PRKAG2: variants seen among roughly 807,000 people sequenced by gnomAD.
The protein encoded by PRKAG2 is 5'-AMP-activated protein kinase subunit gamma-2.
PRKAG2 carries 26 observed loss-of-function variants against 69.6 expected under a neutral mutation model. The observed-to-expected ratio is 0.37, with a 90% CI of 0.27 to 0.52. The LOEUF (loss-of-function observed/expected upper bound fraction) is 0.52. Among genes scored for constraint, PRKAG2 ranks in the 20% least tolerant of loss-of-function variants. The pLI is 0.90. For missense variants in PRKAG2, 557 were observed against 740.0 expected (o/e 0.75, Z 2.87); for synonymous variants, 293 against 285.0 (o/e 1.03, Z -0.28).
chr7:151,610,571 G>A (rs1399221507), intron 5 of PRKAG2, among the ~76,000 whole-genome samples: 2 of 151,088 alleles, frequency 1.3e-5, no homozygotes, highest in African/African-American at 2.4e-5. Flanking sequence ...CAGCTACTCT[G>A]GAGGCTGAGG....
At chr7:151,810,680 A>T (rs1260276937) in intron 1 of PRKAG2, 1 of 153,742 alleles carries the variant, frequency 6.5e-6, no homozygotes, top group African/African-American at 2.4e-5. Flanking sequence ...GAATCTGCAC[A>T]GCCAGGCTCT....
At chr7:151,744,834 A>G (rs565346051) in intron 3 of PRKAG2, among the ~76,000 whole-genome samples, 2 of 152,108 alleles carry the variant, frequency 1.3e-5, no homozygotes, top group South Asian at 2.1e-4. Context: ...GGCAGGGGGA[A>G]CCCTAGTCAC....
intron 15 of PRKAG2, chr7:151,558,560 G>A (rs36022838): frequency 0.62 from 563,622 of 903,342 alleles, 180,973 homozygotes; most frequent in East Asian, 0.72. Context: ...CACGGTGGGG[G>A]CCTCCTCACT....
In PRKAG2 at chr7:151,828,865, C is replaced by T. The variant is rs976198226; in HGVS notation, c.115-42324G>A. ...GTTTGAGGCTGCAGTGAGCTATGATCACACCAATGTACTCCAGCCTGGGCA... is the reference window on the plus strand; with the variant it reads ...GTTTGAGGCTGCAGTGAGCTATGATTACACCAATGTACTCCAGCCTGGGCA... On this transcript the variant is annotated intron_variant, in intron 1 of 15. Coordinates refer to ENST00000287878, the MANE Select transcript of PRKAG2 (RefSeq NM_016203.4). The surrounding 1 kb of genome is among the most constrained non-coding windows in gnomAD (Gnocchi z 4.6). Among the ~76,000 whole-genome samples, 7 of 152,124 alleles carry T rather than the reference C, an allele frequency of 4.6e-5. No individual in the cohort carries two copies. Among genetic ancestry groups the T allele is most frequent in the Non-Finnish European group, 1.5e-5 (1 of 68,034 alleles).
chr7:151,876,726 C>A lies in PRKAG2; in HGVS notation c.-106G>T. On this transcript the variant is annotated 5_prime_UTR_variant, in exon 1 of 16. In the 5' UTR this introduces an upstream ATG that the reference lacks. Coordinates refer to ENST00000287878, the MANE Select transcript of PRKAG2 (RefSeq NM_016203.4). ...CTGGAGCCGCGCGCTCTGTTACACC[C>A]TGAAGCCACCTCGTGGGGACTTCCG... 1.9e-6 allele frequency: 2 copies of A among 1,073,988 alleles called. No individual in the cohort carries two copies. Among genetic ancestry groups the A allele is most frequent in the Non-Finnish European group, 2.8e-6 (2 of 721,170 alleles). 66.5% of individuals were successfully genotyped at this position (1,073,988 alleles called of 1,614,324 possible).
chr7:151,611,634 G>A (rs1818894824), intron 5 of PRKAG2, among the ~76,000 whole-genome samples: 1 of 152,150 alleles, frequency 6.6e-6, no homozygotes, highest in South Asian at 2.1e-4. Flanking sequence ...ATCCCACCAG[G>A]ACAAGTGGCA....
intron 3 of PRKAG2, among the ~76,000 whole-genome samples, chr7:151,690,567 A>G (rs1225568905): frequency 6.6e-6 from 1 of 152,250 alleles, no homozygotes; most frequent in Non-Finnish European, 1.5e-5. Flanking sequence ...GGACAGGACC[A>G]GGGTTCCCGG....
At chr7:151,713,640 A>C (rs1563500925) in intron 3 of PRKAG2, among the ~76,000 whole-genome samples, 1 of 148,472 alleles carries the variant, frequency 6.7e-6, no homozygotes, top group Non-Finnish European at 1.5e-5. Context: ...GCCGGAGTGC[A>C]GTGGTGCGAA....
intron 1 of PRKAG2, among the ~76,000 whole-genome samples, chr7:151,817,103 C>T (rs1356889420): frequency 6.6e-6 from 1 of 152,190 alleles, no homozygotes; most frequent in African/African-American, 2.4e-5. Flanking sequence ...CTGTCTTCAC[C>T]TGCATTTCTC....
chr7:151,581,507 T>C (rs933913902), intron 6 of PRKAG2, among the ~76,000 whole-genome samples: 2 of 152,226 alleles, frequency 1.3e-5, no homozygotes, highest in African/African-American at 4.8e-5. Flanking sequence ...CAGAGACTAT[T>C]GTATCCAGCT....
At chr7:151,619,735 C>T (rs943815092) in intron 5 of PRKAG2, among the ~76,000 whole-genome samples, 7 of 152,034 alleles carry the variant, frequency 4.6e-5, no homozygotes, top group Admixed American at 6.6e-5. Context: ...ATCAGAAAAC[C>T]GGCTAGACGC....
At chr7:151,647,147 C>G (rs1179116419) in intron 4 of PRKAG2, among the ~76,000 whole-genome samples, 1 of 152,234 alleles carries the variant, frequency 6.6e-6, no homozygotes, top group Non-Finnish European at 1.5e-5. Flanking sequence ...TGAGAAACAG[C>G]CTTCAGATGA....
chr7:151,734,642 T>G (rs1563552967), intron 3 of PRKAG2, among the ~76,000 whole-genome samples: 1 of 152,182 alleles, frequency 6.6e-6, no homozygotes, highest in Non-Finnish European at 1.5e-5. Context: ...CTCGACCTCC[T>G]GGGCTCAAGG....
intron 1 of PRKAG2, chr7:151,837,146 T>C (rs577232806): frequency 6.6e-6 from 1 of 152,360 alleles, no homozygotes; most frequent in Non-Finnish European, 1.5e-5. Flanking sequence ...TCCCATAAAG[T>C]GTGACCTCCT....
intron 1 of PRKAG2, among the ~76,000 whole-genome samples, chr7:151,848,512 CTTT>C (rs1158559692): frequency 2.2e-4 from 14 of 62,242 alleles, no homozygotes; most frequent in Middle Eastern, 0.017. Flanking sequence ...TACTGCATGT[CTTT>C]TTTTTTTTTT....
chr7:151,766,154 T>A (rs2075721246), intron 3 of PRKAG2, among the ~76,000 whole-genome samples: 1 of 152,184 alleles, frequency 6.6e-6, no homozygotes. Flanking sequence ...TGCCAAAATC[T>A]CCCAAAGGAC....
intron 3 of PRKAG2, among the ~76,000 whole-genome samples, chr7:151,693,129 G>A (rs559581649): frequency 1.8e-4 from 28 of 152,350 alleles, no homozygotes; most frequent in African/African-American, 6.7e-4. Flanking sequence ...TGAGGACAGG[G>A]GTCTTTGGTA....
chr7:151,765,884 T>C (rs2075708804), intron 3 of PRKAG2, among the ~76,000 whole-genome samples: 1 of 152,236 alleles, frequency 6.6e-6, no homozygotes, highest in Non-Finnish European at 1.5e-5. Flanking sequence ...TTGATTTTCA[T>C]TCCTGTGTGA....
chr7:151,739,188 T>C (rs2073692883), intron 3 of PRKAG2, among the ~76,000 whole-genome samples: 1 of 152,244 alleles, frequency 6.6e-6, no homozygotes, highest in Non-Finnish European at 1.5e-5. Context: ...TCCCATCGAC[T>C]GGTAGAGCAA....
Sources: allele counts gnomAD v4.1 joint callset (sites outside exome capture counted in the v4.1 genomes callset), GRCh38; gene constraint gnomAD v4.1.1; non-coding constraint Gnocchi (gnomAD v3.1); transcripts MANE v1.5; gene names NCBI Gene and HGNC (gene_info 2026-07-23, HGNC 2026-07-21).